The following GALNT13 variants were observed in gnomAD, a reference collection of about 807,000 sequenced individuals.
The protein encoded by GALNT13 is UDP-GalNAc:polypeptide N-acetylgalactosaminyltransferase 13.
In GALNT13, 28 loss-of-function variants were observed where a neutral mutation model predicts 64.2. The observed-to-expected ratio is 0.44, with a 90% CI of 0.32 to 0.60. The LOEUF (loss-of-function observed/expected upper bound fraction) is 0.60. Ranked by LOEUF, GALNT13 falls within the 20% of genes least tolerant of loss-of-function variation. The probability of loss-of-function intolerance (pLI) is 0.05; values close to 1 mark genes in which losing one functional copy is unlikely to be tolerated. For missense variants in GALNT13, 577 were observed against 669.8 expected (o/e 0.86, Z 1.53); for synonymous variants, 214 against 224.6 (o/e 0.95, Z 0.42).
At chr2:153,324,103 T>A in the GALNT13 span, among the ~76,000 whole-genome samples, 2 of 152,222 alleles carry the variant, frequency 1.3e-5, no homozygotes, top group South Asian at 4.1e-4. Flanking sequence ...TTCACAATAT[T>A]GATTCTTCTT....
the GALNT13 span, among the ~76,000 whole-genome samples, chr2:153,848,116 A>G: frequency 6.6e-6 from 1 of 152,210 alleles, no homozygotes; most frequent in East Asian, 1.9e-4. Flanking sequence ...AGTCTCAACT[A>G]CAAGCCAGAA....
intron 8 of GALNT13, among the ~76,000 whole-genome samples, chr2:154,280,548 C>T (rs1278096759): frequency 1.3e-5 from 2 of 152,116 alleles, no homozygotes; most frequent in African/African-American, 4.8e-5. Context: ...TCTGTAACTC[C>T]AATTAGGAGA....
the GALNT13 span, among the ~76,000 whole-genome samples, chr2:153,791,682 A>G: frequency 2.6e-5 from 4 of 152,230 alleles, no homozygotes; most frequent in Non-Finnish European, 5.9e-5. Flanking sequence ...CTAAATGCCC[A>G]TCAGTGGTAG....
chr2:153,999,588 C>T (rs1695760260), intron 3 of GALNT13, among the ~76,000 whole-genome samples: 1 of 151,884 alleles, frequency 6.6e-6, no homozygotes, highest in African/African-American at 2.4e-5. Context: ...ATTCTTCTGT[C>T]CTTGATTTTG....
chr2:153,248,537 G>A, the GALNT13 span, among the ~76,000 whole-genome samples: 9 of 151,432 alleles, frequency 5.9e-5, no homozygotes, highest in Non-Finnish European at 1.2e-4. Context: ...ACCCTCGGCC[G>A]GGCGTGGTGG....
intron 8 of GALNT13, among the ~76,000 whole-genome samples, chr2:154,298,807 TTATATATTATTTATATATA>T (rs1374766264): frequency 2.4e-4 from 1 of 4,156 alleles, no homozygotes; most frequent in Non-Finnish European, 6.8e-4. Flanking sequence ...TATATATAAA[TTATATATTATTTATATATA>T]CATTATATAT....
chr2:153,814,001 A>G, the GALNT13 span, among the ~76,000 whole-genome samples: 2 of 152,126 alleles, frequency 1.3e-5, no homozygotes. Flanking sequence ...TTCAAGCTCT[A>G]TGTGGCTCTA....
chr2:153,490,204 G>A, the GALNT13 span, among the ~76,000 whole-genome samples: 2 of 152,048 alleles, frequency 1.3e-5, no homozygotes, highest in African/African-American at 4.8e-5. Context: ...TATTCTAATG[G>A]TATTAAAAGT....
chr2:153,782,132 CTGAG>C, the GALNT13 span, among the ~76,000 whole-genome samples: 2 of 152,272 alleles, frequency 1.3e-5, no homozygotes, highest in South Asian at 4.1e-4. Flanking sequence ...AATTTGGGGG[CTGAG>C]TATTTACTGA....
intron 11 of GALNT13, among the ~76,000 whole-genome samples, chr2:154,423,157 G>C (rs1700328706): frequency 6.7e-6 from 1 of 148,604 alleles, no homozygotes; most frequent in African/African-American, 2.5e-5. Flanking sequence ...GTGAGAACAT[G>C]CGGTGTTTGG....
chr2:154,191,852 A>G (rs1199322769), intron 4 of GALNT13, among the ~76,000 whole-genome samples: 4 of 152,080 alleles, frequency 2.6e-5, no homozygotes, highest in Non-Finnish European at 5.9e-5. Context: ...AGTTTAGCCA[A>G]CCGCTGTTGG....
the GALNT13 span, among the ~76,000 whole-genome samples, chr2:153,694,739 A>C: frequency 1.3e-5 from 2 of 152,226 alleles, no homozygotes; most frequent in African/African-American, 4.8e-5. Context: ...TAAGTAAAAA[A>C]ATTTTAAATA....
At chr2:153,972,456 A>G (rs1313106066) in intron 3 of GALNT13, among the ~76,000 whole-genome samples, 1 of 152,124 alleles carries the variant, frequency 6.6e-6, no homozygotes, top group Non-Finnish European at 1.5e-5. Flanking sequence ...AGTTCTATAA[A>G]AATATAATAC....
chr2:154,350,962 A>T (rs1010755100), intron 9 of GALNT13, among the ~76,000 whole-genome samples: 1 of 152,192 alleles, frequency 6.6e-6, no homozygotes, highest in Non-Finnish European at 1.5e-5. Context: ...GGAGAACAGT[A>T]AACAGTTTGA....
intron 3 of GALNT13, among the ~76,000 whole-genome samples, chr2:153,979,320 G>T (rs1694294145): frequency 1.3e-5 from 2 of 152,080 alleles, no homozygotes; most frequent in Non-Finnish European, 2.9e-5. Flanking sequence ...TTGCTGAGGG[G>T]CACAGGATCA....
intron 8 of GALNT13, among the ~76,000 whole-genome samples, chr2:154,266,686 A>T (rs951398334): frequency 2.6e-5 from 4 of 151,908 alleles, no homozygotes; most frequent in Admixed American, 6.6e-5. Flanking sequence ...TCTCCCTCAG[A>T]TCAATATAGA....
the GALNT13 span, among the ~76,000 whole-genome samples, chr2:153,193,963 C>T: frequency 3.4e-5 from 5 of 147,150 alleles, no homozygotes; most frequent in Non-Finnish European, 6.1e-5. Flanking sequence ...GAGAAGTCTG[C>T]TGCTAGTCTG....
chr2:153,639,311 G>A, the GALNT13 span, among the ~76,000 whole-genome samples: 1 of 152,080 alleles, frequency 6.6e-6, no homozygotes. Flanking sequence ...AGACACTGGT[G>A]AGTGGAAGGG....
At chr2:153,568,256 C>T in the GALNT13 span, among the ~76,000 whole-genome samples, 24 of 152,236 alleles carry the variant, frequency 1.6e-4, no homozygotes, top group Non-Finnish European at 3.4e-4. Context: ...GGGTCTCTGG[C>T]ACCCAGGCTG....
Sources: gnomAD v4.1 joint callset for allele counts (sites outside exome capture counted in the v4.1 genomes callset) on GRCh38, gnomAD v4.1.1 for gene constraint, MANE v1.5 for transcripts, NCBI Gene and HGNC (gene_info 2026-07-23, HGNC 2026-07-21) for gene names.